The following RIPOR1 variants were observed in gnomAD, a reference collection of about 807,000 sequenced individuals.
RIPOR1 encodes rho family-interacting cell polarization regulator 1.
Under a neutral mutation model 116.5 loss-of-function variants are expected in RIPOR1, and 58 were observed. That is an observed-to-expected ratio of 0.50 (90% CI 0.40 to 0.62). The LOEUF (loss-of-function observed/expected upper bound fraction) is 0.62, where lower values mean the gene tolerates loss of function less well. RIPOR1 is among the 20% of genes least tolerant of loss of function. RIPOR1 has a pLI of 0.00. For missense variants in RIPOR1, 1,372 were observed against 1,586.2 expected (o/e 0.86, Z 2.29); for synonymous variants, 605 against 650.0 (o/e 0.93, Z 1.05).
chr16:67,541,239 T>C lies in RIPOR1; in HGVS notation c.802-191T>C. On this transcript the variant is annotated intron_variant, in intron 10 of 21. Coordinates refer to ENST00000042381, the MANE Select transcript of RIPOR1 (RefSeq NM_024519.4). This position sits in a 1 kb window ranked among gnomAD's most constrained non-coding sequence, Gnocchi z 4.6. ...CCACCATGCCTGGCTAAAAATTTTT[T>C]TTTTTTTTTTTTTTGAGACAGAGTC... 1.9e-6 allele frequency: 1 copy of C among 521,470 alleles called. No homozygotes were observed. Among genetic ancestry groups the C allele is most frequent in the Non-Finnish European group, 3.2e-6 (1 of 315,568 alleles). 32.3% of individuals were successfully genotyped at this position (521,470 alleles called of 1,614,324 possible).
Position 67,541,229 on chromosome 16 carries a change from A to C in RIPOR1, c.802-201A>C. On this transcript the variant is annotated intron_variant, in intron 10 of 21. Transcript: ENST00000042381. The surrounding 1 kb of genome is among the most constrained non-coding windows in gnomAD (Gnocchi z 4.6). ...TACAGGTGCACCACCATGCCTGGCT[A>C]AAAATTTTTTTTTTTTTTTTTTTTG... 2.7e-5 allele frequency: 15 copies of C among 559,276 alleles called. No individual in the cohort carries two copies. The highest frequency in any genetic ancestry group is 3.4e-5 in the Non-Finnish European group (11 of 323,094). 34.6% of individuals were successfully genotyped at this position (559,276 alleles called of 1,614,324 possible).
Position 67,540,153 on chromosome 16 carries a change from A to G in RIPOR1, c.515A>G (p.Glu172Gly), listed in dbSNP as rs757983170. The change falls in exon 7 of 22, where the codon GAG becomes GGG. Residue 172 changes from glutamate to glycine, a missense_variant. Glu to Gly is a moderately conservative substitution (Grantham distance 98, BLOSUM62 -2). Transcript: ENST00000042381. This position sits in a 1 kb window ranked among gnomAD's most constrained non-coding sequence, Gnocchi z 4.7. ...AYTTGSPGSREARDSLAEATR... is the reference protein window; with the variant it reads ...AYTTGSPGSRGARDSLAEATR... ...ACCACTGGGTCCCCGGGAAGCCGAG[A>G]GGCCCGGGACAGCCTGGCAGAGGCC... is the stretch of plus-strand genomic sequence containing the variant. 7 of 1,614,186 alleles carry G rather than the reference A, an allele frequency of 4.3e-6. No homozygotes were observed. Among genetic ancestry groups the G allele is most frequent in the Non-Finnish European group, 5.9e-6 (7 of 1,180,022 alleles).
intron 1 of RIPOR1, among the ~76,000 whole-genome samples, chr16:67,532,645 A>G (rs1210034844): frequency 6.6e-6 from 1 of 152,084 alleles, no homozygotes; most frequent in Non-Finnish European, 1.5e-5. Flanking sequence ...CTTTTTACAG[A>G]TGGGTGTCTG....
At chr16:67,538,115 C>T (rs2050852777) in intron 1 of RIPOR1, 1 of 312,546 alleles carries the variant, frequency 3.2e-6, no homozygotes. Flanking sequence ...GCGCGCCGCC[C>T]CTTTCCTGCC....
Position 67,539,004 on chromosome 16 carries a change from T to C in RIPOR1, c.272T>C (p.Val91Ala), listed in dbSNP as rs759030922. Reference protein sequence around the residue: ...LKRGLTAYLEVHQQEQEKLQG... With the variant: ...LKRGLTAYLEAHQQEQEKLQG... ...CCTTTCCTCAGGGCCTACTTGGAAG[T>C]GCACCAGCAGGAGCAAGAGAAACTC... The change falls in exon 4 of 22, where the codon GTG (valine) becomes GCG (alanine). Residue 91 changes from valine to alanine, a missense_variant. Val to Ala is a moderately conservative substitution (Grantham distance 64). Around this residue, in one of 3 missense-constraint regions of RIPOR1, gnomAD observed 165 missense variants for 145.5 expected, o/e 1.13. Transcript: ENST00000042381. 6.2e-7 allele frequency: 1 copy of C among 1,613,714 alleles called. No homozygotes were observed. The highest frequency in any genetic ancestry group is 8.5e-7 in the Non-Finnish European group (1 of 1,179,908).
chr16:67,529,746 T>C lies in RIPOR1; in HGVS notation c.-24+832T>C. ...GTGCGCAGCCTCGTGTAACAATACT[T>C]GTGCCCTGGCTGCAGTCTGCGGGGC... On this transcript the variant is annotated intron_variant, in intron 1 of 21. Coordinates refer to ENST00000042381, the MANE Select transcript of RIPOR1 (RefSeq NM_024519.4). The surrounding 1 kb of genome is among the most constrained non-coding windows in gnomAD (Gnocchi z 4.1). 6.5e-7 allele frequency: 1 copy of C among 1,533,962 alleles called. No homozygotes were observed. The highest frequency in any genetic ancestry group is 1.2e-5 in the South Asian group (1 of 83,924).
chr16:67,539,395 G>A, intron 4 of RIPOR1: 2 of 522,838 alleles, frequency 3.8e-6, no homozygotes, highest in East Asian at 6.8e-5. Flanking sequence ...GGGCTTCCTG[G>A]AGGAGGGAAC....
In RIPOR1 at chr16:67,545,984, G is replaced by A. The variant is rs922808783; in HGVS notation, c.3423G>A (p.Glu1141=). 3.7e-6 allele frequency: 6 copies of A among 1,613,972 alleles called. No homozygotes were observed. The highest frequency in any genetic ancestry group is 5.1e-6 in the Non-Finnish European group (6 of 1,180,024). Residue 1141 remains glutamate, a synonymous_variant, in exon 20 of 22, where the codon GAG becomes GAA. Coordinates refer to ENST00000042381, the MANE Select transcript of RIPOR1 (RefSeq NM_024519.4). This position sits in a 1 kb window ranked among gnomAD's most constrained non-coding sequence, Gnocchi z 4.8. The part of the protein sequence containing the change: ...LLCFLDQLED[E]DVQTRVAGCL... ...GCTTCCTGGACCAGCTGGAGGATGA[G>A]GACGTGCAGACTCGAGTGGCTGGCT... is the stretch of plus-strand genomic sequence containing the variant.
chr16:67,535,819 G>T (rs1308228596), intron 1 of RIPOR1, among the ~76,000 whole-genome samples: 1 of 152,180 alleles, frequency 6.6e-6, no homozygotes, highest in Non-Finnish European at 1.5e-5. Flanking sequence ...AGAGGCCAGC[G>T]ATAGGCAGGC....
At position 67,545,357 on chromosome 16, in the gene RIPOR1, A is replaced by C; in HGVS notation, c.3032-19A>C. 2 of 1,608,794 alleles carry C rather than the reference A, an allele frequency of 1.2e-6. No individual in the cohort carries two copies. The highest frequency in any genetic ancestry group is 1.7e-6 in the Non-Finnish European group (2 of 1,176,832). On this transcript the variant is annotated intron_variant, in intron 17 of 21. Transcript: ENST00000042381. This position sits in a 1 kb window ranked among gnomAD's most constrained non-coding sequence, Gnocchi z 4.8. ...TGTGTTCACCCAAACTCTGAGGCCC[A>C]TGCTACTGCCTCCTGCAGTGTGTGT... is the stretch of plus-strand genomic sequence containing the variant.
At chr16:67,536,129 G>C (rs762487281) in intron 1 of RIPOR1, among the ~76,000 whole-genome samples, 35 of 152,110 alleles carry the variant, frequency 2.3e-4, no homozygotes, top group South Asian at 8.3e-4. Flanking sequence ...CATCTATCCA[G>C]GCTAGAGGTG....
rs1296631171 is a variant in RIPOR1, at chr16:67,544,397, T to G, written c.2699T>G (p.Val900Gly). The G allele has an allele frequency of 6.2e-7, 1 of 1,612,718 alleles. No homozygotes were observed. The highest frequency in any genetic ancestry group is 8.5e-7 in the Non-Finnish European group (1 of 1,179,754). Reference sequence around the variant, plus strand: ...TGTCCAGCTCTGGATGCTGCCTTGGTCCGGCACCTGTACCACTGCAGTCGC... The same window carrying G: ...TGTCCAGCTCTGGATGCTGCCTTGGGCCGGCACCTGTACCACTGCAGTCGC... ...TGCPALDAAL[V>G]RHLYHCSRLL... Residue 900 changes from valine (V) to glycine (G), a missense_variant, in exon 15 of 22, where the codon GTC (valine) becomes GGC (glycine). Physicochemically the swap from Val to Gly is moderately radical, Grantham distance 109. Around this residue, in one of 3 missense-constraint regions of RIPOR1, gnomAD observed 1,005 missense variants for 1,144.7 expected, o/e 0.88. Coordinates refer to ENST00000042381, the MANE Select transcript of RIPOR1 (RefSeq NM_024519.4). The surrounding 1 kb of genome is among the most constrained non-coding windows in gnomAD (Gnocchi z 5.1).
In RIPOR1 at chr16:67,538,773, C is replaced by T. The variant is rs1224361805; in HGVS notation, c.206C>T (p.Pro69Leu). 1 of 1,613,582 alleles carries T rather than the reference C, an allele frequency of 6.2e-7. No homozygotes were observed. The highest frequency in any genetic ancestry group is 8.5e-7 in the Non-Finnish European group (1 of 1,179,962). ...FSVAHPAAKVPQPERLDLVYT... is the reference protein window; with the variant it reads ...FSVAHPAAKVLQPERLDLVYT... ...GTGGCTCACCCAGCCGCCAAGGTGC[C>T]GCAGCCCGAGCGGCTGGACCTGGTG... Residue 69 changes from proline to leucine, a missense_variant, in exon 3 of 22, where the codon CCG becomes CTG. Physicochemically the swap from Pro to Leu is moderately conservative, Grantham distance 98. Around this residue, in one of 3 missense-constraint regions of RIPOR1, gnomAD observed 165 missense variants for 145.5 expected, o/e 1.13. Coordinates refer to ENST00000042381, the MANE Select transcript of RIPOR1 (RefSeq NM_024519.4).
At chr16:67,525,072 A>G (rs1214443446), upstream of RIPOR1, among the ~76,000 whole-genome samples, 3 of 151,984 alleles carry the variant, frequency 2.0e-5, no homozygotes, top group African/African-American at 7.3e-5. Flanking sequence ...TGTGGCTTAA[A>G]CTCTTGCTCC....
Position 67,544,867 on chromosome 16 carries a change from T to C in RIPOR1, c.2869+37T>C. On this transcript the variant is annotated intron_variant, in intron 16 of 21. Coordinates refer to ENST00000042381, the MANE Select transcript of RIPOR1 (RefSeq NM_024519.4). This position sits in a 1 kb window ranked among gnomAD's most constrained non-coding sequence, Gnocchi z 5.1. ...GGGGGTTCGGGCTCTGCCATCTGCC[T>C]TGAAGCTCCTACCTCAGCCTACTGC... 1 of 1,593,852 alleles carries C rather than the reference T, an allele frequency of 6.3e-7. No individual in the cohort carries two copies. The highest frequency in any genetic ancestry group is 2.2e-5 in the East Asian group (1 of 44,454).
In RIPOR1 at chr16:67,544,647, C is replaced by T. The variant is rs376843625; in HGVS notation, c.2734-48C>T. 12 of 1,607,898 alleles carry T rather than the reference C, an allele frequency of 7.5e-6. No homozygotes were observed. The East Asian group carries it at 1.3e-4, about 18-fold the overall frequency. ...GACTTGTCCCTGAGCACGATCCTCC[C>T]GAGCCCTACCCTGAGGCCTGAGCTA... On this transcript the variant is annotated intron_variant, in intron 15 of 21. Transcript: ENST00000042381. The surrounding 1 kb of genome is among the most constrained non-coding windows in gnomAD (Gnocchi z 5.1).
At position 67,544,566 on chromosome 16, in the gene RIPOR1, T is replaced by C. The variant is rs984528729; in HGVS notation, c.2734-129T>C. ...CCCAGGGCCCTTGGCATCTGGCCCTTGCTGAATGGAGTATCTCCCAACTCT... is the reference window on the plus strand; with the variant it reads ...CCCAGGGCCCTTGGCATCTGGCCCTCGCTGAATGGAGTATCTCCCAACTCT... On this transcript the variant is annotated intron_variant, in intron 15 of 21. Transcript: ENST00000042381. This position sits in a 1 kb window ranked among gnomAD's most constrained non-coding sequence, Gnocchi z 5.1. 5.5e-5 allele frequency: 85 copies of C among 1,539,340 alleles called. No individual in the cohort carries two copies. In the Middle Eastern group the frequency reaches 6.4e-4, roughly 12 times the overall value.
chr16:67,525,290 T>C (rs1422210550), upstream of RIPOR1, among the ~76,000 whole-genome samples: 1 of 152,222 alleles, frequency 6.6e-6, no homozygotes, highest in African/African-American at 2.4e-5. Flanking sequence ...CCTGTTCTCT[T>C]TGACTGTGAG....
Position 67,544,890 on chromosome 16 carries a change from T to G in RIPOR1, c.2869+60T>G. On this transcript the variant is annotated intron_variant, in intron 16 of 21. Transcript: ENST00000042381. The surrounding 1 kb of genome is among the most constrained non-coding windows in gnomAD (Gnocchi z 5.1). ...CCTTGAAGCTCCTACCTCAGCCTAC[T>G]GCCATCTGCATGCTCTCTACTCACC... 1.2e-6 allele frequency: 2 copies of G among 1,600,228 alleles called. No homozygotes were observed. Among genetic ancestry groups the G allele is most frequent in the Non-Finnish European group, 1.7e-6 (2 of 1,171,218 alleles).
Sources: allele counts gnomAD v4.1 joint callset (sites outside exome capture counted in the v4.1 genomes callset), GRCh38; gene constraint gnomAD v4.1.1; regional missense constraint gnomAD v4.1.1; non-coding constraint Gnocchi (gnomAD v3.1); transcripts MANE v1.5; gene names NCBI Gene and HGNC (gene_info 2026-07-23, HGNC 2026-07-21).